ZNF611: variants seen among roughly 807,000 people sequenced by gnomAD.
ZNF611 encodes the protein zinc finger protein 611.
Under a neutral mutation model 8.9 loss-of-function variants are expected in ZNF611, and 6 were observed. The ratio of observed to expected loss-of-function variants is 0.68; its 90% CI spans 0.37 to 1.34. ZNF611 has a LOEUF of 1.34. Among genes scored for constraint, ZNF611 ranks in the 40% most tolerant of loss-of-function variants. ZNF611 has a pLI of 0.02. For missense variants in ZNF611, 874 were observed against 841.3 expected, an observed-to-expected ratio of 1.04 and a Z score of -0.48; for synonymous variants, 262 against 279.7, an observed-to-expected ratio of 0.94 and a Z score of 0.63.
chr19:52,715,593 T>C (rs977667851), intron 4 of ZNF611, among the ~76,000 whole-genome samples: 6 of 152,180 alleles, frequency 3.9e-5, no homozygotes, highest in African/African-American at 1.4e-4. Context: ...TGTTTATCCA[T>C]GTCAGGGTGT....
At position 52,706,255 on chromosome 19, in the gene ZNF611, A is replaced by T. The variant is rs2062243696; in HGVS notation, c.800T>A (p.Leu267His). 6.2e-7 allele frequency: 1 copy of T among 1,614,174 alleles called. No homozygotes were observed. Among genetic ancestry groups the T allele is most frequent in the African/African-American group, 1.3e-5 (1 of 75,044 alleles). Residue 267 changes from leucine (L) to histidine (H), a missense_variant, in exon 6 of 6, where the codon CTC (leucine) becomes CAC (histidine). By Grantham distance (99) the Leu-to-His change is moderately conservative (BLOSUM62 -3). Coordinates refer to ENST00000652185, the MANE Select transcript of ZNF611 (RefSeq NM_001161499.2). ...KQYKCDVCGK[L>H]FNHEQYLACH... Reference sequence around the variant, plus strand: ...TGCAAGGTATTGCTCGTGATTAAAGAGCTTGCCACATACATCACATTTATA... The same window carrying T: ...TGCAAGGTATTGCTCGTGATTAAAGTGCTTGCCACATACATCACATTTATA...
intron 5 of ZNF611, among the ~76,000 whole-genome samples, chr19:52,709,064 T>C (rs1297259625): frequency 6.6e-6 from 1 of 152,056 alleles, no homozygotes; most frequent in African/African-American, 2.4e-5. Flanking sequence ...AATTGCACAA[T>C]AAGAACAAAA....
chr19:52,719,019 A>C (rs192281520), intron 3 of ZNF611, among the ~76,000 whole-genome samples: 1,667 of 152,172 alleles, frequency 0.011, 30 homozygotes, highest in Non-Finnish European at 0.011. Context: ...AAAAATAAAA[A>C]GTCAGACAGG....
At chr19:52,721,019 C>A (rs1267403222) in intron 3 of ZNF611, 1 of 150,508 alleles carries the variant, frequency 6.6e-6, no homozygotes, top group African/African-American at 2.7e-5. Context: ...GGCGGCCAGG[C>A]AGAGGCGCTC....
intron 3 of ZNF611, among the ~76,000 whole-genome samples, chr19:52,719,304 T>C (rs957519082): frequency 1.3e-5 from 2 of 151,272 alleles, no homozygotes; most frequent in African/African-American, 2.5e-5. Flanking sequence ...TCACGTTCCA[T>C]ATAGTAACAG....
chr19:52,722,905 G>GTTTTTTTTTTTTT (rs372056346), intron 3 of ZNF611, among the ~76,000 whole-genome samples: 7 of 120,004 alleles, frequency 5.8e-5, no homozygotes, highest in Non-Finnish European at 6.7e-5. Context: ...TTTTGTTTTC[G>GTTTTTTTTTTTTT]TTTTTTTTTT....
chr19:52,706,379 T>A lies in ZNF611; in HGVS notation c.676A>T (p.Met226Leu), dbSNP rs139696457. The A allele has an allele frequency of 6.2e-5, 100 of 1,614,224 alleles. No homozygotes were observed. The African/African-American group carries it at 1.0e-3, about 16-fold the overall frequency. Reference protein sequence around the residue: ...SLLPQKQEVHMREKSFQCNKS... With the variant: ...SLLPQKQEVHLREKSFQCNKS... Reference sequence around the variant, plus strand: ...TTACATTGGAAAGATTTTTCTCTCATGTGTACTTCCTGTTTTTGTGGGAGT... The same window carrying A: ...TTACATTGGAAAGATTTTTCTCTCAAGTGTACTTCCTGTTTTTGTGGGAGT... The change falls in exon 6 of 6, where the codon ATG becomes TTG. Residue 226 changes from methionine (M) to leucine (L), a missense_variant. Met to Leu is a conservative substitution (Grantham distance 15). Transcript: ENST00000652185.
At position 52,725,276 on chromosome 19, in the gene ZNF611, G is replaced by C. The variant is rs574061377; in HGVS notation, c.-20+3454C>G. Among the ~76,000 whole-genome samples the C allele has an allele frequency of 7.9e-5, 12 of 152,292 alleles. No individual in the cohort carries two copies. In the South Asian group the frequency reaches 2.3e-3, roughly 29 times the overall value. ...GCCCGGCACGAGGAGGGACATAGTG[G>C]GAGACGGCGCCTTAAGACATGGGTG... On this transcript the variant is annotated intron_variant, in intron 3 of 5. Transcript: ENST00000652185.
In ZNF611 at chr19:52,704,116, G is replaced by A. The variant is rs2062223635; in HGVS notation, c.*821C>T. The A allele has an allele frequency of 3.3e-6, 1 of 302,342 alleles. No individual in the cohort carries two copies. Among genetic ancestry groups the A allele is most frequent in the Non-Finnish European group, 6.5e-6 (1 of 152,894 alleles). The allele number at this position is 302,342 out of a possible 1,614,324, so 18.7% of individuals were successfully genotyped here. On this transcript the variant is annotated 3_prime_UTR_variant, in exon 6 of 6. Coordinates refer to ENST00000652185, the MANE Select transcript of ZNF611 (RefSeq NM_001161499.2). ...CCCGACGTGCTGGGATTACAGGTCG[G>A]AGCCACCACACCTGGCCCCATCCTC...
In ZNF611 at chr19:52,727,314, T is replaced by C. The variant is rs193099622; in HGVS notation, c.-20+1416A>G. The stretch of plus-strand genomic sequence containing the variant: ...TTAATAAATAAGCTTTAGACCAGAA[T>C]GTGATGGGAAATAAAGGCAAACAGC... On this transcript the variant is annotated intron_variant, in intron 3 of 5. Coordinates refer to ENST00000652185, the MANE Select transcript of ZNF611 (RefSeq NM_001161499.2). 3.9e-3 allele frequency among the ~76,000 whole-genome samples: 599 copies of C among 152,184 alleles called. 2 individuals carry two copies. The highest frequency in any genetic ancestry group is 0.014 in the African/African-American group (575 of 41,498).
chr19:52,724,964 C>T (rs1475996891), intron 3 of ZNF611, among the ~76,000 whole-genome samples: 1 of 152,074 alleles, frequency 6.6e-6, no homozygotes, highest in African/African-American at 2.4e-5. Context: ...AATTTCTCAC[C>T]CATCCTCTAC....
At position 52,706,046 on chromosome 19, in the gene ZNF611, C is replaced by A. The variant is rs764549939; in HGVS notation, c.1009G>T (p.Asp337Tyr). 1 of 1,613,960 alleles carries A rather than the reference C, an allele frequency of 6.2e-7. No individual in the cohort carries two copies. Among genetic ancestry groups the A allele is most frequent in the South Asian group, 1.1e-5 (1 of 91,078 alleles). The change falls in exon 6 of 6, where the codon GAT (aspartate) becomes TAT (tyrosine). Residue 337 changes from aspartate (D) to tyrosine (Y), a missense_variant. By Grantham distance (160) the Asp-to-Tyr change is radical (BLOSUM62 -3). Transcript: ENST00000652185. ...NSALLIDKAI[D>Y]TGENPYKCNE... ...CACTTGTAAGGATTTTCTCCAGTATCAATTGCCTTATCAATTAGAAGGGCT... is the reference window on the plus strand; with the variant it reads ...CACTTGTAAGGATTTTCTCCAGTATAAATTGCCTTATCAATTAGAAGGGCT...
chr19:52,713,580 C>A (rs2062294492), intron 5 of ZNF611, among the ~76,000 whole-genome samples: 1 of 152,108 alleles, frequency 6.6e-6, no homozygotes, highest in Non-Finnish European at 1.5e-5. Flanking sequence ...GTGAGAGACG[C>A]TTCTGTGATG....
At chr19:52,727,731 G>A (rs528045240) in intron 3 of ZNF611, among the ~76,000 whole-genome samples, 1 of 152,226 alleles carries the variant, frequency 6.6e-6, no homozygotes, top group South Asian at 2.1e-4. Context: ...ACCAGGGTCA[G>A]CCAGGAAAAA....
rs540671229 is a variant in ZNF611, at chr19:52,711,742, C to T, written c.190+2273G>A. ...CCTATAATTTTGTCCAGTGGATGAA[C>T]AAGGTCTTCACTTACTCAGGGAGAG... On this transcript the variant is annotated intron_variant, in intron 5 of 5. Coordinates refer to ENST00000652185, the MANE Select transcript of ZNF611 (RefSeq NM_001161499.2). Among the ~76,000 whole-genome samples the T allele has an allele frequency of 9.3e-4, 141 of 151,302 alleles. 1 individual carries two copies. The highest frequency in any genetic ancestry group is 3.2e-3 in the African/African-American group (132 of 40,642).
At chr19:52,726,480 G>A (rs2062394238) in intron 3 of ZNF611, among the ~76,000 whole-genome samples, 1 of 152,064 alleles carries the variant, frequency 6.6e-6, no homozygotes, top group Non-Finnish European at 1.5e-5. Flanking sequence ...GAGTGCAGTG[G>A]CATGATTTTG....
intron 3 of ZNF611, among the ~76,000 whole-genome samples, chr19:52,725,260 G>C (rs1180500891): frequency 6.6e-6 from 1 of 152,290 alleles, no homozygotes; most frequent in East Asian, 1.9e-4. Flanking sequence ...GGCCCGGCAC[G>C]AGGAGGGACA....
chr19:52,704,612 T>C lies in ZNF611; in HGVS notation c.*325A>G. The C allele has an allele frequency of 1.3e-6, 2 of 1,581,020 alleles. No individual in the cohort carries two copies. The highest frequency in any genetic ancestry group is 8.7e-7 in the Non-Finnish European group (1 of 1,151,546). ...CCACATTTATTACACTTGTAAGATCTCTCTTCATTATGGATTCTCCAATGA... is the reference window on the plus strand; with the variant it reads ...CCACATTTATTACACTTGTAAGATCCCTCTTCATTATGGATTCTCCAATGA... On this transcript the variant is annotated 3_prime_UTR_variant, in exon 6 of 6. Transcript: ENST00000652185.
chr19:52,731,603 G>A (rs888207589), intron 1 of ZNF611, among the ~76,000 whole-genome samples: 8 of 151,744 alleles, frequency 5.3e-5, no homozygotes, highest in African/African-American at 1.9e-4. Context: ...TCCTGACCTC[G>A]TGATCCACCC....
Sources: allele counts gnomAD v4.1 joint callset (sites outside exome capture counted in the v4.1 genomes callset), GRCh38; gene constraint gnomAD v4.1.1; transcripts MANE v1.5; gene names NCBI Gene and HGNC (gene_info 2026-07-23, HGNC 2026-07-21).